RNGTT: variants seen among roughly 807,000 people sequenced by gnomAD.
RNGTT encodes mRNA-capping enzyme.
Under a neutral mutation model 79.3 loss-of-function variants are expected in RNGTT, and 33 were observed. That is an observed-to-expected ratio of 0.42 (90% CI 0.32 to 0.56). The LOEUF is 0.56. RNGTT is among the 20% of genes least tolerant of loss of function. The pLI is 0.17. For missense variants in RNGTT, 497 were observed against 739.1 expected, an observed-to-expected ratio of 0.67 and a Z score of 3.80; for synonymous variants, 222 against 235.9, an observed-to-expected ratio of 0.94 and a Z score of 0.54.
chr6:88,945,839 T>C (rs983902077), intron 1 of RNGTT, among the ~76,000 whole-genome samples: 1 of 152,186 alleles, frequency 6.6e-6, no homozygotes, highest in African/African-American at 2.4e-5. Flanking sequence ...AGATCACCCA[T>C]GCCTGCTCCT....
intron 13 of RNGTT, among the ~76,000 whole-genome samples, chr6:88,762,141 G>T (rs1436269686): frequency 6.6e-6 from 1 of 152,158 alleles, no homozygotes; most frequent in Non-Finnish European, 1.5e-5. Flanking sequence ...ATGGATTACT[G>T]GCTCAAGTTT....
At chr6:88,837,732 A>G (rs1472518614) in intron 11 of RNGTT, among the ~76,000 whole-genome samples, 1 of 152,184 alleles carries the variant, frequency 6.6e-6, no homozygotes, top group Non-Finnish European at 1.5e-5. Flanking sequence ...TTCGATCTAT[A>G]GTAGATGAAA....
chr6:88,903,912 A>G (rs1039410996), intron 6 of RNGTT, among the ~76,000 whole-genome samples: 4 of 152,350 alleles, frequency 2.6e-5, no homozygotes, highest in African/African-American at 7.2e-5. Context: ...GTAAAAGAAG[A>G]TAACTCCTCA....
At chr6:88,697,548 CA>C (rs543844426) in intron 13 of RNGTT, among the ~76,000 whole-genome samples, 1 of 150,240 alleles carries the variant, frequency 6.7e-6, no homozygotes, top group Non-Finnish European at 1.5e-5. Context: ...AAGACTGTCT[CA>C]AAAAAAATAA....
chr6:88,858,245 T>A (rs1781900727), intron 8 of RNGTT, among the ~76,000 whole-genome samples: 1 of 152,198 alleles, frequency 6.6e-6, no homozygotes, highest in Non-Finnish European at 1.5e-5. Flanking sequence ...AATTATTTTT[T>A]AAAATATAAG....
chr6:88,701,128 GAAGA>G (rs1775931358), intron 13 of RNGTT, among the ~76,000 whole-genome samples: 1 of 151,956 alleles, frequency 6.6e-6, no homozygotes, highest in Non-Finnish European at 1.5e-5. Context: ...AAGAGAAGAA[GAAGA>G]AAGAATAAAG....
chr6:88,731,223 G>A (rs941013899), intron 13 of RNGTT, among the ~76,000 whole-genome samples: 1 of 152,104 alleles, frequency 6.6e-6, no homozygotes, highest in African/African-American at 2.4e-5. Flanking sequence ...AAAAGCTGAT[G>A]GCATCTACAT....
At chr6:88,959,399 T>C (rs1050285278) in intron 1 of RNGTT, among the ~76,000 whole-genome samples, 2 of 152,186 alleles carry the variant, frequency 1.3e-5, no homozygotes, top group Non-Finnish European at 2.9e-5. Flanking sequence ...AGATCTCTAT[T>C]TGAGCAATCA....
intron 14 of RNGTT, among the ~76,000 whole-genome samples, chr6:88,670,608 A>G (rs115871871): frequency 1.6e-3 from 245 of 152,278 alleles, no homozygotes; most frequent in Middle Eastern, 6.8e-3. Context: ...AGTGCCAAGA[A>G]CCAGGCCTGG....
intron 14 of RNGTT, among the ~76,000 whole-genome samples, chr6:88,634,697 A>G (rs1773031674): frequency 6.6e-6 from 1 of 152,144 alleles, no homozygotes; most frequent in African/African-American, 2.4e-5. Context: ...AATCTTCATT[A>G]GAATAAGTAC....
At chr6:88,721,879 A>G (rs1403834399) in intron 13 of RNGTT, among the ~76,000 whole-genome samples, 1 of 151,902 alleles carries the variant, frequency 6.6e-6, no homozygotes, top group Non-Finnish European at 1.5e-5. Context: ...TTCCTTCTCC[A>G]CACTAAAGTG....
intron 14 of RNGTT, chr6:88,677,979 CTTT>C (rs34263662): frequency 1.1e-3 from 84 of 76,350 alleles, no homozygotes; most frequent in African/African-American, 3.6e-3. Context: ...CTCACATTCA[CTTT>C]TTTTTTTTTT....
chr6:88,676,810 T>C (rs1364201448), intron 14 of RNGTT, among the ~76,000 whole-genome samples: 1 of 152,178 alleles, frequency 6.6e-6, no homozygotes, highest in Non-Finnish European at 1.5e-5. Context: ...TTCACTAGAT[T>C]CAGATGGAAA....
chr6:88,835,714 T>C (rs1781042351), intron 11 of RNGTT, among the ~76,000 whole-genome samples: 1 of 152,122 alleles, frequency 6.6e-6, no homozygotes, highest in African/African-American at 2.4e-5. Flanking sequence ...TGGTACAAAC[T>C]TTCCAAAACA....
At chr6:88,896,785 C>T (rs531753245) in intron 6 of RNGTT, among the ~76,000 whole-genome samples, 1 of 152,230 alleles carries the variant, frequency 6.6e-6, no homozygotes, top group South Asian at 2.1e-4. Flanking sequence ...AAAGATATTG[C>T]CCTACATTCA....
At chr6:88,641,281 G>A (rs1395596983) in intron 14 of RNGTT, among the ~76,000 whole-genome samples, 2 of 151,404 alleles carry the variant, frequency 1.3e-5, no homozygotes, top group Non-Finnish European at 2.9e-5. Context: ...GGAGGTTGCA[G>A]TGAGCTGAGA....
At chr6:88,799,416 C>T (rs1040266191) in intron 12 of RNGTT, among the ~76,000 whole-genome samples, 2 of 151,986 alleles carry the variant, frequency 1.3e-5, no homozygotes, top group South Asian at 2.1e-4. Context: ...AGTGTGGTTA[C>T]GGCCCGGCGC....
chr6:88,906,288 A>T, intron 5 of RNGTT, 77 bp downstream of exon 5: 1 of 898,624 alleles, frequency 1.1e-6, no homozygotes, highest in Non-Finnish European at 1.7e-6. Context: ...ACTTGACAAT[A>T]CAAAATTCTG....
chr6:88,958,482 A>T (rs746287721), intron 1 of RNGTT, among the ~76,000 whole-genome samples: 8 of 152,198 alleles, frequency 5.3e-5, no homozygotes, highest in Non-Finnish European at 1.2e-4. Context: ...CTGACAAAGA[A>T]CTAATATCCA....
Sources: allele counts gnomAD v4.1 joint callset (sites outside exome capture counted in the v4.1 genomes callset), GRCh38; gene constraint gnomAD v4.1.1; transcripts MANE v1.5; gene names NCBI Gene and HGNC (gene_info 2026-07-23, HGNC 2026-07-21).